ZHX2: variants seen among roughly 807,000 people sequenced by gnomAD.
ZHX2 encodes the protein zinc fingers and homeoboxes protein 2.
Under a neutral mutation model 21.9 loss-of-function variants are expected in ZHX2, and 6 were observed. The ratio of observed to expected loss-of-function variants is 0.27; its 90% CI spans 0.15 to 0.54. The LOEUF (loss-of-function observed/expected upper bound fraction) is 0.54. Among genes scored for constraint, ZHX2 ranks in the 20% least tolerant of loss-of-function variants. The probability of loss-of-function intolerance (pLI) is 0.95; values close to 1 mark genes in which losing one functional copy is unlikely to be tolerated. For synonymous variants in ZHX2, 434 were observed against 437.1 expected, an observed-to-expected ratio of 0.99 and a Z score of 0.09; for missense variants, 908 against 1,090.7, an observed-to-expected ratio of 0.83 and a Z score of 2.36.
At chr8:122,908,596 A>G (rs1465229439) in intron 2 of ZHX2, among the ~76,000 whole-genome samples, 1 of 152,132 alleles carries the variant, frequency 6.6e-6, no homozygotes, top group African/African-American at 2.4e-5. Context: ...CCTTGTTTCC[A>G]TAGCATAGAA....
intron 1 of ZHX2, among the ~76,000 whole-genome samples, chr8:122,844,208 G>A (rs915263616): frequency 3.3e-5 from 5 of 152,342 alleles, no homozygotes; most frequent in African/African-American, 1.2e-4. Context: ...AGAGCTTGGA[G>A]ATGCTCAGAG....
At chr8:122,838,665 T>C (rs1164750089) in intron 1 of ZHX2, among the ~76,000 whole-genome samples, 1 of 146,834 alleles carries the variant, frequency 6.8e-6, no homozygotes, top group Non-Finnish European at 1.5e-5. Flanking sequence ...AACTTCCATC[T>C]CCCAGGTTCA....
chr8:122,908,504 C>T (rs1443001350), intron 2 of ZHX2, among the ~76,000 whole-genome samples: 1 of 152,252 alleles, frequency 6.6e-6, no homozygotes, highest in African/African-American at 2.4e-5. Flanking sequence ...GCCACTGTGC[C>T]TGGCCTAAAG....
chr8:122,868,669 C>A (rs1232254028), intron 2 of ZHX2, among the ~76,000 whole-genome samples: 1 of 147,504 alleles, frequency 6.8e-6, no homozygotes. Context: ...CCACTGCACT[C>A]CAGCCTGGGT....
intron 2 of ZHX2, among the ~76,000 whole-genome samples, chr8:122,900,235 G>A (rs1299780920): frequency 1.4e-5 from 2 of 146,068 alleles, no homozygotes; most frequent in African/African-American, 5.6e-5. Context: ...CAAGAAGCGT[G>A]GTGCCAGCAT....
At chr8:122,799,890 T>G (rs1404579364) in intron 1 of ZHX2, among the ~76,000 whole-genome samples, 1 of 152,050 alleles carries the variant, frequency 6.6e-6, no homozygotes, top group Non-Finnish European at 1.5e-5. Flanking sequence ...TGAGATGGAG[T>G]TTCACTCTTG....
At chr8:122,847,302 G>A (rs1818774520) in intron 1 of ZHX2, among the ~76,000 whole-genome samples, 1 of 152,150 alleles carries the variant, frequency 6.6e-6, no homozygotes, top group South Asian at 2.1e-4. Flanking sequence ...CACTGAGGGG[G>A]GTTGAGCCCA....
At chr8:122,836,623 C>T (rs906522900) in intron 1 of ZHX2, among the ~76,000 whole-genome samples, 4 of 152,216 alleles carry the variant, frequency 2.6e-5, no homozygotes, top group Admixed American at 6.5e-5. Context: ...ATTTTATAGT[C>T]TCCTGTAAAC....
chr8:122,818,555 C>T (rs989662113), intron 1 of ZHX2, among the ~76,000 whole-genome samples: 1 of 152,152 alleles, frequency 6.6e-6, no homozygotes, highest in Non-Finnish European at 1.5e-5. Context: ...GAGGGGTGGC[C>T]ATGAGGCCTA....
intron 2 of ZHX2, among the ~76,000 whole-genome samples, chr8:122,879,104 C>T (rs192178020): frequency 1.2e-3 from 188 of 152,296 alleles, no homozygotes; most frequent in African/African-American, 4.4e-3. Context: ...AGGTTAGCCT[C>T]GTGCCTCTCG....
At chr8:122,955,447 G>A (rs1813275962) in intron 3 of ZHX2, among the ~76,000 whole-genome samples, 1 of 152,152 alleles carries the variant, frequency 6.6e-6, no homozygotes, top group Non-Finnish European at 1.5e-5. Flanking sequence ...CTGTCTTAAT[G>A]AACTTGGACA....
At chr8:122,791,404 G>C (rs919730320) in intron 1 of ZHX2, among the ~76,000 whole-genome samples, 1 of 152,192 alleles carries the variant, frequency 6.6e-6, no homozygotes, top group African/African-American at 2.4e-5. Flanking sequence ...TGGGAGCCCT[G>C]CCTGGGCACG....
intron 2 of ZHX2, among the ~76,000 whole-genome samples, chr8:122,892,463 G>A (rs1304143458): frequency 6.6e-6 from 1 of 151,988 alleles, no homozygotes; most frequent in African/African-American, 2.4e-5. Context: ...CCATCATTTT[G>A]TTAACTGTTT....
At chr8:122,811,688 T>C in intron 1 of ZHX2, among the ~76,000 whole-genome samples, 1 of 152,212 alleles carries the variant, frequency 6.6e-6, no homozygotes, top group East Asian at 1.9e-4. Flanking sequence ...ATCAGGCCTT[T>C]AGTCCACTTT....
intron 2 of ZHX2, among the ~76,000 whole-genome samples, chr8:122,945,267 T>C (rs1232786521): frequency 1.3e-5 from 2 of 151,996 alleles, no homozygotes; most frequent in Non-Finnish European, 2.9e-5. Context: ...ATACTCATAC[T>C]CAGTAAGCAA....
rs1813668852 is a variant in ZHX2, at chr8:122,969,563, G to A, written c.*5-3679G>A. On this transcript the variant is annotated intron_variant, in intron 3 of 3. Coordinates refer to ENST00000314393, the MANE Select transcript of ZHX2 (RefSeq NM_014943.5). ...TATACGTCAATAAAGCTAGGGCAAA[G>A]AGGGAAAAAATGCAACCAGAAAGAA... 2.0e-5 allele frequency among the ~76,000 whole-genome samples: 3 copies of A among 152,244 alleles called. No individual in the cohort carries two copies. In the South Asian group the frequency reaches 6.2e-4, roughly 32 times the overall value.
intron 3 of ZHX2, among the ~76,000 whole-genome samples, chr8:122,963,880 G>T (rs570732015): frequency 0.011 from 1,679 of 149,582 alleles, 9 homozygotes; most frequent in Non-Finnish European, 0.019. Flanking sequence ...TTTTTTTGTT[G>T]TTGTTTCTTT....
intron 3 of ZHX2, among the ~76,000 whole-genome samples, chr8:122,955,654 C>A (rs1265720601): frequency 2.0e-5 from 3 of 151,954 alleles, no homozygotes; most frequent in African/African-American, 7.3e-5. Context: ...GGAGGAAATG[C>A]CTGTGTGTCA....
In ZHX2 at chr8:122,953,005, G is replaced by A. The variant is rs202088448; in HGVS notation, c.1495G>A (p.Val499Ile). The change falls in exon 3 of 4, where the codon GTC becomes ATC. Residue 499 changes from valine to isoleucine, a missense_variant. Physicochemically the swap from Val to Ile is conservative, Grantham distance 29 (BLOSUM62 3). Coordinates refer to ENST00000314393, the MANE Select transcript of ZHX2 (RefSeq NM_014943.5). The surrounding 1 kb of genome is among the most constrained non-coding windows in gnomAD (Gnocchi z 4.6). ...CCGATATCGGTGTCAAAGGGGCATCGTCCACATCACCAGCGAATCCCTTGC... is the reference window on the plus strand; with the variant it reads ...CCGATATCGGTGTCAAAGGGGCATCATCCACATCACCAGCGAATCCCTTGC... ...DHRYRCQRGI[V>I]HITSESLAKD... 5.8e-5 allele frequency: 94 copies of A among 1,613,730 alleles called. 1 individual carries two copies. The highest frequency in any genetic ancestry group is 1.5e-4 in the Admixed American group (9 of 59,990).
Sources: allele counts gnomAD v4.1 joint callset (sites outside exome capture counted in the v4.1 genomes callset), GRCh38; gene constraint gnomAD v4.1.1; non-coding constraint Gnocchi (gnomAD v3.1); transcripts MANE v1.5; gene names NCBI Gene and HGNC (gene_info 2026-07-23, HGNC 2026-07-21).